The following TACC2 variants were observed in gnomAD, a reference collection of about 807,000 sequenced individuals.
TACC2 encodes transforming acidic coiled-coil-containing protein 2.
A neutral mutation model predicts 227.3 loss-of-function variants in TACC2; 137 were observed. The ratio of observed to expected loss-of-function variants is 0.60; its 90% CI spans 0.52 to 0.69. The LOEUF (loss-of-function observed/expected upper bound fraction) is 0.69, where lower values mean the gene tolerates loss of function less well. Ranked by LOEUF, TACC2 falls within the 30% of genes least tolerant of loss-of-function variation. TACC2 has a pLI of 0.00. For synonymous variants in TACC2, 1,523 were observed against 1,487.5 expected (o/e 1.02, Z -0.55); for missense variants, 3,470 against 3,694.4 (o/e 0.94, Z 1.57).
intron 7 of TACC2, chr10:122,192,674 C>T (rs1030748411): frequency 1.3e-5 from 6 of 456,370 alleles, no homozygotes; most frequent in African/African-American, 2.0e-5. Flanking sequence ...TGTTCTTCAG[C>T]GGAAATGGCC....
chr10:122,102,773 G>T (rs370129200), intron 5 of TACC2, among the ~76,000 whole-genome samples: 126 of 152,260 alleles, frequency 8.3e-4, no homozygotes, highest in Non-Finnish European at 1.2e-3. Context: ...GTGTGAACTG[G>T]GCTCTGTGTG....
intron 2 of TACC2, among the ~76,000 whole-genome samples, chr10:122,044,682 A>AT (rs35408701): frequency 0.082 from 12,008 of 146,136 alleles, 528 homozygotes; most frequent in Admixed American, 0.13. Context: ...GGTAAGTGGA[A>AT]TTTTTTTTTT....
At chr10:122,090,736 T>G (rs1334250306) in intron 5 of TACC2, among the ~76,000 whole-genome samples, 1 of 151,866 alleles carries the variant, frequency 6.6e-6, no homozygotes, top group Admixed American at 6.6e-5. Flanking sequence ...CCTTAAAAAA[T>G]TATTTATTTA....
chr10:122,071,361 A>G (rs1029412821), intron 3 of TACC2, among the ~76,000 whole-genome samples: 4 of 152,242 alleles, frequency 2.6e-5, no homozygotes, highest in Non-Finnish European at 5.9e-5. Flanking sequence ...CTGGTGTGCA[A>G]CAACCCAGCA....
intron 11 of TACC2, 106 bp downstream of exon 11, chr10:122,216,934 T>G (rs2095417962): frequency 6.3e-7 from 1 of 1,594,542 alleles, no homozygotes; most frequent in Non-Finnish European, 8.5e-7. Context: ...AACCACGTGA[T>G]CATCATTGTG....
chr10:122,115,519 T>C (rs1167556302), intron 5 of TACC2, among the ~76,000 whole-genome samples: 2 of 152,158 alleles, frequency 1.3e-5, no homozygotes, highest in African/African-American at 4.8e-5. Context: ...CTAGGGTCAC[T>C]CTCATGTGAG....
At chr10:122,018,844 C>G (rs1957000114) in intron 1 of TACC2, among the ~76,000 whole-genome samples, 1 of 152,192 alleles carries the variant, frequency 6.6e-6, no homozygotes, top group Non-Finnish European at 1.5e-5. Context: ...TGAGCTCCCC[C>G]TCCTCATCTA....
intron 7 of TACC2, among the ~76,000 whole-genome samples, chr10:122,175,155 A>G (rs2093643382): frequency 6.6e-6 from 1 of 151,934 alleles, no homozygotes; most frequent in African/African-American, 2.4e-5. Context: ...GGTTTCTGCC[A>G]TGTTGCCCAG....
chr10:122,075,206 AAG>A (rs1233569242), intron 3 of TACC2, among the ~76,000 whole-genome samples: 1 of 150,746 alleles, frequency 6.6e-6, no homozygotes, highest in Non-Finnish European at 1.5e-5. Context: ...AAAAAAAAGA[AAG>A]AAAGAAAGAA....
At chr10:122,215,659 A>T (rs1181378651) in intron 10 of TACC2, among the ~76,000 whole-genome samples, 1 of 152,060 alleles carries the variant, frequency 6.6e-6, no homozygotes, top group African/African-American at 2.4e-5. Flanking sequence ...CGAGAGTGGG[A>T]AGACGTTCAG....
At chr10:122,102,665 C>CTGGG (rs929358684) in intron 5 of TACC2, among the ~76,000 whole-genome samples, 5 of 152,318 alleles carry the variant, frequency 3.3e-5, no homozygotes, top group Admixed American at 3.3e-4. Flanking sequence ...ACACTGGCCC[C>CTGGG]TGGGAGAGCC....
At chr10:122,224,549 C>T (rs1056851301) in intron 11 of TACC2, among the ~76,000 whole-genome samples, 177 bp from the exon 12 acceptor site, 8 of 152,112 alleles carry the variant, frequency 5.3e-5, no homozygotes, top group Non-Finnish European at 8.8e-5. Flanking sequence ...TGAAAATAGC[C>T]GAACTGAGCC....
chr10:122,085,750 G>A lies in TACC2; in HGVS notation c.3250G>A (p.Glu1084Lys). Residue 1084 changes from glutamate to lysine, a missense_variant, in exon 4 of 23, where the codon GAA becomes AAA. Glu to Lys is a moderately conservative substitution (Grantham distance 56, BLOSUM62 1). This residue lies in a region of TACC2 where 1,924 missense variants were observed against 1,978.3 expected (regional missense o/e 0.97). Transcript: ENST00000369005. Reference sequence around the variant, plus strand: ...TGCCCCAGAGACAGAGGCATGTGATGAAACCCAGGAAGGCAGGCAGCAACC... The same window carrying A: ...TGCCCCAGAGACAGAGGCATGTGATAAAACCCAGGAAGGCAGGCAGCAACC... ...QDAPETEACD[E>K]TQEGRQQPVP... The A allele has an allele frequency of 1.2e-6, 2 of 1,613,904 alleles. No individual in the cohort carries two copies. Among genetic ancestry groups the A allele is most frequent in the Non-Finnish European group, 1.7e-6 (2 of 1,180,024 alleles).
At chr10:122,249,268 A>G in intron 21 of TACC2, 112 bp downstream of exon 21, 1 of 800,322 alleles carries the variant, frequency 1.2e-6, no homozygotes, top group Non-Finnish European at 2.1e-6. Context: ...AGGGGGCATC[A>G]TCCAAGTGTG....
intron 6 of TACC2, among the ~76,000 whole-genome samples, chr10:122,139,430 A>G (rs1284084505): frequency 4.6e-5 from 7 of 152,162 alleles, no homozygotes; most frequent in Admixed American, 4.6e-4. Flanking sequence ...GCCAATTCAC[A>G]AGCACCTCTC....
chr10:122,190,482 G>A lies in TACC2; in HGVS notation c.5835-4558G>A, dbSNP rs530643806. Among the ~76,000 whole-genome samples the A allele has an allele frequency of 9.9e-5, 15 of 152,274 alleles. No individual in the cohort carries two copies. The East Asian group carries it at 2.9e-3, about 29-fold the overall frequency. ...CAGTCGAGGAGCTCGGCAGGGTCCTGTTTTCGTGGCCAGCACAGTCTGTCC... is the reference window on the plus strand; with the variant it reads ...CAGTCGAGGAGCTCGGCAGGGTCCTATTTTCGTGGCCAGCACAGTCTGTCC... On this transcript the variant is annotated intron_variant, in intron 7 of 22. Coordinates refer to ENST00000369005, the MANE Select transcript of TACC2 (RefSeq NM_206862.4).
intron 8 of TACC2, among the ~76,000 whole-genome samples, chr10:122,201,942 C>T (rs1020918665): frequency 1.3e-5 from 2 of 151,516 alleles, no homozygotes; most frequent in Admixed American, 6.6e-5. Flanking sequence ...TATGACTCTG[C>T]GCTCTTTGAA....
rs142193513 is a variant in TACC2, at chr10:122,241,973, G to A, written c.8364G>A (p.Glu2788=). Residue 2788 remains glutamate, a synonymous_variant, in exon 19 of 23, where the codon GAG becomes GAA. Transcript: ENST00000369005. ...EVMEMRKIVA[E]YEKTIAQMIE... ...TCTCTTATAGGAAAATAGTGGCCGA[G>A]TATGAGAAGACCATCGCTCAGATGA... is the stretch of plus-strand genomic sequence containing the variant. The A allele has an allele frequency of 7.1e-5, 115 of 1,614,120 alleles. No individual in the cohort carries two copies. The highest frequency in any genetic ancestry group is 9.3e-5 in the Non-Finnish European group (110 of 1,180,034).
At chr10:122,218,270 T>G (rs2095451435) in intron 11 of TACC2, among the ~76,000 whole-genome samples, 1 of 152,160 alleles carries the variant, frequency 6.6e-6, no homozygotes, top group South Asian at 2.1e-4. Flanking sequence ...TTGAACTGAG[T>G]AGAAATCACT....
Sources: gnomAD v4.1 joint callset for allele counts (sites outside exome capture counted in the v4.1 genomes callset) on GRCh38, gnomAD v4.1.1 for gene constraint, gnomAD v4.1.1 regional missense constraint, MANE v1.5 for transcripts, NCBI Gene and HGNC (gene_info 2026-07-23, HGNC 2026-07-21) for gene names.